Variants in EDEM3 observed in about 807,000 individuals in gnomAD.
EDEM3 encodes ER degradation-enhancing alpha-mannosidase-like protein 3.
EDEM3 carries 60 observed loss-of-function variants against 110.2 expected under a neutral mutation model. That is an observed-to-expected ratio of 0.54 (90% confidence interval 0.44 to 0.67). The LOEUF (loss-of-function observed/expected upper bound fraction) is 0.67, where lower values mean the gene tolerates loss of function less well. Among genes scored for constraint, EDEM3 ranks in the 30% least tolerant of loss-of-function variants. EDEM3 has a pLI of 0.00. For missense variants in EDEM3, 996 were observed against 1,121.0 expected (o/e 0.89, Z 1.59); for synonymous variants, 352 against 382.9 (o/e 0.92, Z 0.94).
intron 18 of EDEM3, among the ~76,000 whole-genome samples, chr1:184,704,883 C>A (rs1649830613): frequency 6.6e-6 from 1 of 151,424 alleles, no homozygotes; most frequent in Non-Finnish European, 1.5e-5. Context: ...CATGGAGAAA[C>A]CCCATCTCTA....
chr1:184,729,437 T>C (rs935723890), intron 6 of EDEM3, among the ~76,000 whole-genome samples: 11 of 152,300 alleles, frequency 7.2e-5, no homozygotes, highest in African/African-American at 2.6e-4. Context: ...ACGTTTGTAA[T>C]GAGGTCTTAT....
chr1:184,731,770 A>G (rs1651531375), intron 6 of EDEM3, among the ~76,000 whole-genome samples: 1 of 152,250 alleles, frequency 6.6e-6, no homozygotes, highest in African/African-American at 2.4e-5. Flanking sequence ...GTAATGACAC[A>G]TTAAAGCTTA....
chr1:184,751,156 A>T (rs1020306485), intron 1 of EDEM3, among the ~76,000 whole-genome samples: 1 of 146,126 alleles, frequency 6.8e-6, no homozygotes, highest in East Asian at 2.1e-4. Context: ...TTGTAAGTTT[A>T]CATATATATA....
intron 2 of EDEM3, among the ~76,000 whole-genome samples, chr1:184,746,895 T>C (rs141304345): frequency 0.018 from 2,728 of 152,166 alleles, 49 homozygotes; most frequent in Non-Finnish European, 0.025. Context: ...TTTAGGATAG[T>C]AGGCAACTGA....
chr1:184,752,764 G>T (rs550450188), intron 1 of EDEM3, among the ~76,000 whole-genome samples: 8 of 152,182 alleles, frequency 5.3e-5, no homozygotes, highest in Non-Finnish European at 1.2e-4. Context: ...ACTGGAGAGA[G>T]CCTGGCTCTG....
At chr1:184,754,079 T>C (rs1465974670) in intron 1 of EDEM3, among the ~76,000 whole-genome samples, 1 of 152,244 alleles carries the variant, frequency 6.6e-6, no homozygotes, top group Non-Finnish European at 1.5e-5. Flanking sequence ...CCTTAACTAC[T>C]GTGAGATCAG....
chr1:184,721,804 C>T (rs530203981), intron 8 of EDEM3, among the ~76,000 whole-genome samples: 38 of 151,396 alleles, frequency 2.5e-4, no homozygotes, highest in African/African-American at 9.2e-4. Context: ...AAAAATGAAA[C>T]CTATAGATTC....
chr1:184,733,271 C>G (rs1651629974), intron 5 of EDEM3, among the ~76,000 whole-genome samples: 2 of 152,152 alleles, frequency 1.3e-5, no homozygotes, highest in African/African-American at 4.8e-5. Flanking sequence ...CTACATTTAA[C>G]AAATCTAACA....
Position 184,754,755 on chromosome 1 carries a change from G to C in EDEM3, c.-109C>G. The stretch of plus-strand genomic sequence containing the variant: ...GCCGTGCCGAGACGGGGCGGGATGC[G>C]GAGTAACACGGACGGCCGCCGGCGC... On this transcript the variant is annotated 5_prime_UTR_variant, in exon 1 of 20. Transcript: ENST00000318130. The C allele has an allele frequency of 7.2e-7, 1 of 1,391,322 alleles. No homozygotes were observed. The highest frequency in any genetic ancestry group is 9.3e-7 in the Non-Finnish European group (1 of 1,076,462). The allele number at this position is 1,391,322 out of a possible 1,614,324, so 86.2% of individuals were successfully genotyped here.
intron 16 of EDEM3, 137 bp downstream of exon 16, chr1:184,710,257 C>A: frequency 9.7e-7 from 1 of 1,028,906 alleles, no homozygotes. Context: ...ACTTCCAAGT[C>A]CTAAAATTCT....
chr1:184,699,151 A>G (rs1045831700), intron 19 of EDEM3, among the ~76,000 whole-genome samples: 1 of 151,894 alleles, frequency 6.6e-6, no homozygotes, highest in African/African-American at 2.4e-5. Flanking sequence ...GAACCTTGGC[A>G]AAGACTTAGA....
chr1:184,698,340 T>C (rs1649436530), intron 19 of EDEM3, among the ~76,000 whole-genome samples: 1 of 151,812 alleles, frequency 6.6e-6, no homozygotes, highest in Admixed American at 6.6e-5. Context: ...ACCTACACCA[T>C]TGTATACAGT....
At chr1:184,715,737 G>A (rs1249735893) in intron 13 of EDEM3, among the ~76,000 whole-genome samples, 2 of 152,146 alleles carry the variant, frequency 1.3e-5, no homozygotes, top group Non-Finnish European at 2.9e-5. Flanking sequence ...AAAATGCTTA[G>A]AAGACTGTCT....
In EDEM3 at chr1:184,706,783, T is replaced by C; in HGVS notation, c.2063A>G (p.Lys688Arg). 6.2e-7 allele frequency: 1 copy of C among 1,613,708 alleles called. No individual in the cohort carries two copies. Among genetic ancestry groups the C allele is most frequent in the East Asian group, 2.2e-5 (1 of 44,868 alleles). The change falls in exon 18 of 20, where the codon AAA (lysine) becomes AGA (arginine). Residue 688 changes from lysine to arginine, a missense_variant. This residue lies in a region of EDEM3 where 345 missense variants were observed against 402.0 expected (regional missense o/e 0.86). Transcript: ENST00000318130. ...KETRGFVASS[K>R]PSNGCSELTN... ...AAGCTCTGAACAACCATTGGATGGT[T>C]TACTGCTTGCAACAAATCCTCTTGT...
In EDEM3 at chr1:184,723,865, T is replaced by TAAAAAAAAAAAAAAAAAAAA. The variant is rs71101940; in HGVS notation, c.748-29_748-10dup. 1.8e-6 allele frequency: 2 copies of TAAAAAAAAAAAAAAAAAAAA among 1,091,076 alleles called. No homozygotes were observed. The highest frequency in any genetic ancestry group is 1.2e-6 in the Non-Finnish European group (1 of 832,630). 67.6% of individuals were successfully genotyped at this position (1,091,076 alleles called of 1,614,324 possible). On this transcript the variant is annotated splice_polypyrimidine_tract_variant and intron_variant, in intron 7 of 19. Coordinates refer to ENST00000318130, the MANE Select transcript of EDEM3 (RefSeq NM_025191.4). ...GCTTTTCTGGCATATTCCTGTAATT[T>TAAAAAAAAAAAAAAAAAAAA]AAAAAAAAAAAAAAAAAAAAGAAGT...
At chr1:184,711,353 G>A (rs1650219785) in intron 15 of EDEM3, among the ~76,000 whole-genome samples, 1 of 152,094 alleles carries the variant, frequency 6.6e-6, no homozygotes, top group African/African-American at 2.4e-5. Context: ...ACCTGCCTTG[G>A]CCTCCCAGTG....
intron 6 of EDEM3, among the ~76,000 whole-genome samples, chr1:184,727,607 C>T (rs1161782696): frequency 6.6e-6 from 1 of 152,110 alleles, no homozygotes; most frequent in East Asian, 1.9e-4. Flanking sequence ...TAAACAAACA[C>T]CCCCTCAACA....
At chr1:184,750,945 G>T (rs1036675663) in intron 1 of EDEM3, among the ~76,000 whole-genome samples, 2 of 152,030 alleles carry the variant, frequency 1.3e-5, no homozygotes, top group African/African-American at 2.4e-5. Context: ...TATAATCACA[G>T]ATTATGAAAT....
chr1:184,731,801 G>A (rs1001861099), intron 6 of EDEM3, among the ~76,000 whole-genome samples: 1 of 152,088 alleles, frequency 6.6e-6, no homozygotes, highest in African/African-American at 2.4e-5. Context: ...ATACACAATG[G>A]AATACTATTT....
Sources: allele counts gnomAD v4.1 joint callset (sites outside exome capture counted in the v4.1 genomes callset), GRCh38; gene constraint gnomAD v4.1.1; regional missense constraint gnomAD v4.1.1; transcripts MANE v1.5; gene names NCBI Gene and HGNC (gene_info 2026-07-23, HGNC 2026-07-21).